LTF: variants seen among roughly 807,000 people sequenced by gnomAD.
The protein encoded by LTF is epididymis luminal protein 110.
A neutral mutation model predicts 87.2 loss-of-function variants in LTF; 91 were observed. The ratio of observed to expected loss-of-function variants is 1.04; its 90% CI spans 0.88 to 1.24. The LOEUF is 1.24. LTF is among the 50% of genes most tolerant of loss of function. The pLI is 0.00. For synonymous variants in LTF, 378 were observed against 356.1 expected (o/e 1.06, Z -0.69); for missense variants, 901 against 904.3 (o/e 1.00, Z 0.05).
intron 1 of LTF, among the ~76,000 whole-genome samples, chr3:46,480,097 A>G (rs1485644487): frequency 6.6e-6 from 1 of 152,176 alleles, no homozygotes. Context: ...AGACTGACAG[A>G]CCCCGGACAC....
At position 46,449,914 on chromosome 3, in the gene LTF, T is replaced by C; in HGVS notation, c.997A>G (p.Ile333Val). 6.2e-7 allele frequency: 1 copy of C among 1,614,140 alleles called. No homozygotes were observed. Among genetic ancestry groups the C allele is most frequent in the Non-Finnish European group, 8.5e-7 (1 of 1,180,014 alleles). Residue 333 changes from isoleucine to valine, a missense_variant, in exon 8 of 17, where the codon ATA becomes GTA. By Grantham distance (29) the Ile-to-Val change is conservative. Transcript: ENST00000231751. ...AIGFSRVPPR[I>V]DSGLYLGSGY... ...GAGCCAAGGTACAGCCCAGAATCTA[T>C]CCTCGGGGGCACCCTCGAAAACCCA...
Position 46,450,525 on chromosome 3 carries a change from A to G in LTF, c.852T>C (p.Asp284=). ...CCTGGCGGAGAAGATTCCAGATGGC[A>G]TCCTCCTTGCCATTCACACTTCGTG... The part of the protein sequence containing the change: ...VVARSVNGKE[D]AIWNLLRQAQ... The change falls in exon 7 of 17, where the codon GAT becomes GAC. Residue 284 remains aspartate (D), a synonymous_variant. Coordinates refer to ENST00000231751, the MANE Select transcript of LTF (RefSeq NM_002343.6). 2 of 1,613,650 alleles carry G rather than the reference A, an allele frequency of 1.2e-6. No homozygotes were observed. Among genetic ancestry groups the G allele is most frequent in the Non-Finnish European group, 1.7e-6 (2 of 1,179,964 alleles).
chr3:46,459,732 T>A lies in LTF; in HGVS notation c.131A>T (p.Asn44Ile). 1 of 1,580,924 alleles carries A rather than the reference T, an allele frequency of 6.3e-7. No homozygotes were observed. The highest frequency in any genetic ancestry group is 8.6e-7 in the Non-Finnish European group (1 of 1,166,730). The stretch of plus-strand genomic sequence containing the variant: ...AGGAGGGCCACGCACTTTTCTCATA[T>A]TCCTTTGCCATTGGAAGCATTTTGT... ...EATKCFQWQR[N>I]MRKVRGPPVS... Residue 44 changes from asparagine (N) to isoleucine (I), a missense_variant, in exon 2 of 17, where the codon AAT becomes ATT. Coordinates refer to ENST00000231751, the MANE Select transcript of LTF (RefSeq NM_002343.6).
intron 9 of LTF, among the ~76,000 whole-genome samples, chr3:46,448,270 G>C (rs6776245): frequency 0.12 from 18,497 of 152,000 alleles, 1,362 homozygotes; most frequent in Admixed American, 0.21. Flanking sequence ...GGGAAGCTGA[G>C]ATGGGAGGAT....
In LTF at chr3:46,436,171, G is replaced by A. The variant is rs774399947; in HGVS notation, c.*24C>T. The A allele has an allele frequency of 2.5e-6, 4 of 1,613,906 alleles. No individual in the cohort carries two copies. Among genetic ancestry groups the A allele is most frequent in the Non-Finnish European group, 2.5e-6 (3 of 1,179,758 alleles). On this transcript the variant is annotated 3_prime_UTR_variant, in exon 17 of 17. Coordinates refer to ENST00000231751, the MANE Select transcript of LTF (RefSeq NM_002343.6). ...CAGTGAATGGCTGAGGCTTTCTTGG[G>A]GAGCTGGGCCATCTTCTTCGGTTTT...
At chr3:46,438,527 AC>A (rs1242042728) in intron 15 of LTF, among the ~76,000 whole-genome samples, 1 of 152,060 alleles carries the variant, frequency 6.6e-6, no homozygotes, top group African/African-American at 2.4e-5. Flanking sequence ...TGCTAGGAAA[AC>A]CCAGGCTCAG....
upstream of LTF, chr3:46,468,185 T>C (rs1335190185): frequency 4.4e-6 from 2 of 456,570 alleles, no homozygotes; most frequent in African/African-American, 4.0e-5. Context: ...GTCTGAAGGA[T>C]AGTGAGGGTC....
chr3:46,453,400 A>G (rs1339233433), intron 6 of LTF, among the ~76,000 whole-genome samples: 1 of 152,120 alleles, frequency 6.6e-6, no homozygotes, highest in Non-Finnish European at 1.5e-5. Context: ...TCCTGGGTGC[A>G]TGTGGGGTCT....
chr3:46,467,644 C>CTTTT (rs5848801), upstream of LTF, among the ~76,000 whole-genome samples: 10 of 123,016 alleles, frequency 8.1e-5, no homozygotes, highest in Admixed American at 3.3e-4. Context: ...CTTTTCTTTT[C>CTTTT]TTTTTTTTTT....
intron 1 of LTF, chr3:46,463,544 T>G (rs992449172): frequency 1.2e-5 from 12 of 985,460 alleles, no homozygotes; most frequent in Non-Finnish European, 1.4e-5. Context: ...CAATGGCACT[T>G]TGGGGTACAA....
At chr3:46,468,079 A>G (rs182540624), upstream of LTF, among the ~76,000 whole-genome samples, 26 of 152,340 alleles carry the variant, frequency 1.7e-4, no homozygotes, top group African/African-American at 6.0e-4. Context: ...TGCATGTTAT[A>G]GGCACTTGAT....
Position 46,450,528 on chromosome 3 carries a change from C to T in LTF, c.849G>A (p.Glu283=), listed in dbSNP as rs757510857. 6.2e-7 allele frequency: 1 copy of T among 1,613,742 alleles called. No individual in the cohort carries two copies. Among genetic ancestry groups the T allele is most frequent in the Non-Finnish European group, 8.5e-7 (1 of 1,179,994 alleles). The part of the protein sequence containing the change: ...AVVARSVNGK[E]DAIWNLLRQA... ...GGCGGAGAAGATTCCAGATGGCATC[C>T]TCCTTGCCATTCACACTTCGTGCCA... The change falls in exon 7 of 17, where the codon GAG becomes GAA. Residue 283 remains glutamate, a synonymous_variant. Coordinates refer to ENST00000231751, the MANE Select transcript of LTF (RefSeq NM_002343.6).
chr3:46,460,937 A>G (rs1241155216), intron 1 of LTF, among the ~76,000 whole-genome samples: 1 of 152,256 alleles, frequency 6.6e-6, no homozygotes, highest in African/African-American at 2.4e-5. Context: ...TCTAAAAATG[A>G]AATTAAGAAC....
chr3:46,470,704 G>C (rs1357106083), intron 1 of LTF, among the ~76,000 whole-genome samples: 1 of 152,166 alleles, frequency 6.6e-6, no homozygotes, highest in African/African-American at 2.4e-5. Context: ...AGACGGGAAG[G>C]CATGGGGAGA....
chr3:46,447,931 T>C (rs530945969), intron 9 of LTF, among the ~76,000 whole-genome samples: 1 of 152,216 alleles, frequency 6.6e-6, no homozygotes, highest in East Asian at 1.9e-4. Context: ...ATATTAAAAA[T>C]AGAGAAGTGG....
upstream of LTF, among the ~76,000 whole-genome samples, chr3:46,468,703 C>T (rs1185434537): frequency 2.6e-5 from 4 of 152,224 alleles, no homozygotes; most frequent in African/African-American, 7.2e-5. Flanking sequence ...CAGAAAAGGC[C>T]TTCCTGAGAC....
Position 46,463,034 on chromosome 3 carries a change from T to C in LTF, c.43+1791A>G, listed in dbSNP as rs1703124029. On this transcript the variant is annotated intron_variant, in intron 1 of 16. Coordinates refer to ENST00000231751, the MANE Select transcript of LTF (RefSeq NM_002343.6). Reference sequence around the variant, plus strand: ...CCAGCCCCCCAAACACCAGGTGAAGTCTCCACGCTCTTACCTCCCAGCTCT... The same window carrying C: ...CCAGCCCCCCAAACACCAGGTGAAGCCTCCACGCTCTTACCTCCCAGCTCT... Among the ~76,000 whole-genome samples, 4 of 151,884 alleles carry C rather than the reference T, an allele frequency of 2.6e-5. No homozygotes were observed. In the South Asian group the frequency reaches 6.3e-4, roughly 24 times the overall value.
chr3:46,476,900 T>G (rs1411136514), intron 1 of LTF, among the ~76,000 whole-genome samples: 1 of 152,266 alleles, frequency 6.6e-6, no homozygotes, highest in Non-Finnish European at 1.5e-5. Flanking sequence ...ATAATCTTTA[T>G]GTATGTGAGT....
intron 12 of LTF, 25 bp downstream of exon 12, chr3:46,445,256 C>A: frequency 6.3e-7 from 1 of 1,590,494 alleles, no homozygotes; most frequent in South Asian, 1.1e-5. Context: ...GGTGGCCCAC[C>A]CACCGCACCT....
Sources: gnomAD v4.1 joint callset for allele counts (sites outside exome capture counted in the v4.1 genomes callset) on GRCh38, gnomAD v4.1.1 for gene constraint, MANE v1.5 for transcripts, NCBI Gene and HGNC (gene_info 2026-07-23, HGNC 2026-07-21) for gene names.